Variants in FAM91A1 observed in about 807,000 individuals in gnomAD.
FAM91A1 encodes the protein family with sequence similarity 91 member A1.
FAM91A1 carries 41 observed loss-of-function variants against 113.5 expected under a neutral mutation model. The ratio of observed to expected loss-of-function variants is 0.36; its 90% CI spans 0.28 to 0.47. The LOEUF (loss-of-function observed/expected upper bound fraction) is 0.47. Among genes scored for constraint, FAM91A1 ranks in the 20% least tolerant of loss-of-function variants. The probability of loss-of-function intolerance (pLI) is 1.00; values close to 1 mark genes in which losing one functional copy is unlikely to be tolerated. For synonymous variants in FAM91A1, 307 were observed against 347.9 expected (o/e 0.88, Z 1.31); for missense variants, 696 against 1,001.2 (o/e 0.70, Z 4.11).
rs1271719205 is a variant in FAM91A1 at position 123,780,044 on chromosome 8, C to G, written c.609C>G (p.Leu203=). The part of the protein sequence containing the change: ...VDKIIDSGPQ[L]SGSLDYNVVH... ...AGATCATCGATTCAGGCCCTCAACT[C>G]TCTGGATCACTAGATTACAATGTAG... Residue 203 remains leucine, a synonymous_variant, in exon 7 of 24, where the codon CTC becomes CTG. Transcript: ENST00000334705. 6.2e-7 allele frequency: 1 copy of G among 1,613,408 alleles called. No individual in the cohort carries two copies. Among genetic ancestry groups the G allele is most frequent in the African/African-American group, 1.3e-5 (1 of 74,880 alleles).
At position 123,788,138 on chromosome 8, in the gene FAM91A1, C is replaced by T. The variant is rs1189754354; in HGVS notation, c.1278+388C>T. On this transcript the variant is annotated intron_variant, in intron 14 of 23. Transcript: ENST00000334705. ...TGATTTGAAGTTTTTGTTCCATTTA[C>T]CTTGAATCTGGAACAATATCCCTGG... is the stretch of plus-strand genomic sequence containing the variant. 3 of 949,576 alleles carry T rather than the reference C, an allele frequency of 3.2e-6. No individual in the cohort carries two copies. In the African/African-American group the frequency reaches 5.3e-5, roughly 17 times the overall value. 58.8% of individuals were successfully genotyped at this position (949,576 alleles called of 1,614,324 possible). A position where few individuals can be genotyped will look rare whatever the true frequency, so the allele number is the denominator to read the frequency against.
chr8:123,799,754 T>C lies in FAM91A1; in HGVS notation c.1696-18T>C. 6.2e-7 allele frequency: 1 copy of C among 1,605,980 alleles called. No homozygotes were observed. Among genetic ancestry groups the C allele is most frequent in the Non-Finnish European group, 8.5e-7 (1 of 1,175,842 alleles). ...TTATTTCTGAATGCCATTTTACCTG[T>C]TAATTTCTTTTCAATAGAGTTATGA... On this transcript the variant is annotated intron_variant, in intron 17 of 23. Coordinates refer to ENST00000334705, the MANE Select transcript of FAM91A1 (RefSeq NM_144963.4).
chr8:123,772,436 A>G (rs1814872558), intron 1 of FAM91A1, among the ~76,000 whole-genome samples: 1 of 152,212 alleles, frequency 6.6e-6, no homozygotes, highest in African/African-American at 2.4e-5. Context: ...TTGTCAGTAC[A>G]ACGACCCTGG....
rs1816019770 is a variant in FAM91A1 at position 123,814,195 on chromosome 8, C to G, written c.*1491C>G. The G allele has an allele frequency of 2.6e-6, 1 of 384,814 alleles. No individual in the cohort carries two copies. The highest frequency in any genetic ancestry group is 4.9e-6 in the Non-Finnish European group (1 of 203,422). The allele number at this position is 384,814 out of a possible 1,614,324, so 23.8% of individuals were successfully genotyped here. A position where few individuals can be genotyped will look rare whatever the true frequency, so the allele number is the denominator to read the frequency against. ...GAAACCATGTGTATGTTATGTTTGT[C>G]TATAAAAGAAAAAATACTAATATTA... On this transcript the variant is annotated 3_prime_UTR_variant, in exon 24 of 24. Transcript: ENST00000334705.
chr8:123,785,158 A>G (rs758278962), intron 10 of FAM91A1, 39 bp downstream of exon 10: 2 of 1,500,162 alleles, frequency 1.3e-6, no homozygotes. Flanking sequence ...TGATGTGATA[A>G]CTGAGTGGAT....
intron 15 of FAM91A1, among the ~76,000 whole-genome samples, chr8:123,790,529 T>C (rs1415045614): frequency 1.3e-5 from 2 of 152,246 alleles, no homozygotes; most frequent in African/African-American, 2.4e-5. Flanking sequence ...TCAATACCAC[T>C]ATAACGTTTA....
Position 123,774,198 on chromosome 8 carries a change from T to C in FAM91A1, c.157+34T>C, listed in dbSNP as rs746931698. ...AGCCATGTTTATATTGGGGTGGAAC[T>C]GACCACTACTCTTTCACATTCGTAA... On this transcript the variant is annotated intron_variant, in intron 2 of 23. Coordinates refer to ENST00000334705, the MANE Select transcript of FAM91A1 (RefSeq NM_144963.4). 40 of 1,449,586 alleles carry C rather than the reference T, an allele frequency of 2.8e-5. No homozygotes were observed. The East Asian group carries it at 8.6e-4, about 31-fold the overall frequency. The allele number at this position is 1,449,586 out of a possible 1,614,324, so 89.8% of individuals were successfully genotyped here. A position where few individuals can be genotyped will look rare whatever the true frequency, so the allele number is the denominator to read the frequency against.
intron 1 of FAM91A1, among the ~76,000 whole-genome samples, chr8:123,771,429 G>A (rs1281794542): frequency 6.6e-6 from 1 of 152,084 alleles, no homozygotes; most frequent in Non-Finnish European, 1.5e-5. Context: ...GGTTTACCTT[G>A]AAAATGACTC....
At chr8:123,810,129 A>G (rs1815914955) in intron 22 of FAM91A1, among the ~76,000 whole-genome samples, 153 bp from the exon 23 acceptor site, 1 of 152,218 alleles carries the variant, frequency 6.6e-6, no homozygotes, top group Non-Finnish European at 1.5e-5. Context: ...CAAAAATTTC[A>G]TTGATGAGAA....
chr8:123,778,373 GTGTT>G (rs1815038363), intron 5 of FAM91A1, among the ~76,000 whole-genome samples: 1 of 152,070 alleles, frequency 6.6e-6, no homozygotes, highest in Non-Finnish European at 1.5e-5. Flanking sequence ...GGTGAAAAAA[GTGTT>G]TGCATTTTCA....
chr8:123,800,585 A>G (rs1170674254), intron 18 of FAM91A1, among the ~76,000 whole-genome samples: 4 of 152,196 alleles, frequency 2.6e-5, no homozygotes, highest in Non-Finnish European at 4.4e-5. Flanking sequence ...ACAGATATGT[A>G]CAGCCATCAC....
chr8:123,815,418 A>G lies in FAM91A1; in HGVS notation c.*2714A>G, dbSNP rs191246548. 2.0e-5 allele frequency: 3 copies of G among 152,694 alleles called. No homozygotes were observed. The highest frequency in any genetic ancestry group is 4.8e-5 in the African/African-American group (2 of 41,566). The allele number at this position is 152,694 out of a possible 1,614,324, so 9.5% of individuals were successfully genotyped here. A position where few individuals can be genotyped will look rare whatever the true frequency, so the allele number is the denominator to read the frequency against. ...TATTGACACATATAACATGTTTACAAATAAACTGTGGTATTGATCAAGTTA... is the reference window on the plus strand; with the variant it reads ...TATTGACACATATAACATGTTTACAGATAAACTGTGGTATTGATCAAGTTA... On this transcript the variant is annotated 3_prime_UTR_variant, in exon 24 of 24. Coordinates refer to ENST00000334705, the MANE Select transcript of FAM91A1 (RefSeq NM_144963.4).
chr8:123,787,309 A>G lies in FAM91A1; in HGVS notation c.1127A>G (p.Lys376Arg), dbSNP rs773844285. 1.2e-6 allele frequency: 2 copies of G among 1,611,816 alleles called. No homozygotes were observed. The highest frequency in any genetic ancestry group is 1.7e-6 in the Non-Finnish European group (2 of 1,179,728). ...CTGAGTCTGTCTACAGGACACACGAAGCGCATCGCATTCCTGTTTGACTCC... is the reference window on the plus strand; with the variant it reads ...CTGAGTCTGTCTACAGGACACACGAGGCGCATCGCATTCCTGTTTGACTCC... ...SSLSLSTGHT[K>R]RIAFLFDSTL... Residue 376 changes from lysine (K) to arginine (R), a missense_variant, in exon 13 of 24, where the codon AAG becomes AGG. Coordinates refer to ENST00000334705, the MANE Select transcript of FAM91A1 (RefSeq NM_144963.4).
intron 15 of FAM91A1, among the ~76,000 whole-genome samples, chr8:123,793,592 T>A (rs764838710): frequency 9.2e-5 from 14 of 152,210 alleles, no homozygotes; most frequent in Non-Finnish European, 1.3e-4. Context: ...TTTCTCCTTA[T>A]GACATGCCTC....
Position 123,813,789 on chromosome 8 carries a change from A to G in FAM91A1, c.*1085A>G, listed in dbSNP as rs1035303228. 2 of 152,630 alleles carry G rather than the reference A, an allele frequency of 1.3e-5. No individual in the cohort carries two copies. The highest frequency in any genetic ancestry group is 4.8e-5 in the African/African-American group (2 of 41,472). The allele number at this position is 152,630 out of a possible 1,614,324, so 9.5% of individuals were successfully genotyped here. A position where few individuals can be genotyped will look rare whatever the true frequency, so the allele number is the denominator to read the frequency against. ...TTGGAATCACTTTTTAGACTTTTCAAGTTACCTTCCTTGGGAAGTTTGTGC... is the reference window on the plus strand; with the variant it reads ...TTGGAATCACTTTTTAGACTTTTCAGGTTACCTTCCTTGGGAAGTTTGTGC... On this transcript the variant is annotated 3_prime_UTR_variant, in exon 24 of 24. Transcript: ENST00000334705.
intron 15 of FAM91A1, among the ~76,000 whole-genome samples, chr8:123,792,311 G>A (rs1285766156): frequency 2.0e-5 from 3 of 152,164 alleles, no homozygotes; most frequent in Non-Finnish European, 4.4e-5. Flanking sequence ...TAAAGCAAAA[G>A]CATTGTGATA....
At chr8:123,792,433 G>A (rs1815406781) in intron 15 of FAM91A1, among the ~76,000 whole-genome samples, 1 of 152,078 alleles carries the variant, frequency 6.6e-6, no homozygotes, top group Non-Finnish European at 1.5e-5. Context: ...GTCATGCGTG[G>A]TCTGTTTTTT....
chr8:123,773,029 C>T (rs1321708220), intron 1 of FAM91A1, among the ~76,000 whole-genome samples: 1 of 152,088 alleles, frequency 6.6e-6, no homozygotes, highest in Non-Finnish European at 1.5e-5. Context: ...AAGAAAATCC[C>T]AGTGTAAGTG....
Position 123,812,823 on chromosome 8 carries a change from A to G in FAM91A1, c.*119A>G. On this transcript the variant is annotated 3_prime_UTR_variant, in exon 24 of 24. Coordinates refer to ENST00000334705, the MANE Select transcript of FAM91A1 (RefSeq NM_144963.4). The stretch of plus-strand genomic sequence containing the variant: ...GCAGTGCAATTCTTGCTTAACTAAT[A>G]TTAAAAGTTGGGGAACATATTCATG... 1 of 871,620 alleles carries G rather than the reference A, an allele frequency of 1.1e-6. No homozygotes were observed. The highest frequency in any genetic ancestry group is 1.6e-6 in the Non-Finnish European group (1 of 611,510). The allele number at this position is 871,620 out of a possible 1,614,324, so 54.0% of individuals were successfully genotyped here. A position where few individuals can be genotyped will look rare whatever the true frequency, so the allele number is the denominator to read the frequency against.
Sources: allele counts gnomAD v4.1 joint callset (sites outside exome capture counted in the v4.1 genomes callset), GRCh38; gene constraint gnomAD v4.1.1; transcripts MANE v1.5; gene names NCBI Gene and HGNC (gene_info 2026-07-23, HGNC 2026-07-21).